Variants in RPS6KB1 observed in about 807,000 individuals in gnomAD.
RPS6KB1 encodes ribosomal protein S6 kinase B1, also known as ribosomal protein S6 kinase beta-1.
RPS6KB1 carries 12 observed loss-of-function variants against 70.2 expected under a neutral mutation model. The observed-to-expected ratio is 0.17, with a 90% CI of 0.11 to 0.28. The LOEUF (loss-of-function observed/expected upper bound fraction) is 0.28, where lower values mean the gene tolerates loss of function less well. Among genes scored for constraint, RPS6KB1 ranks in the 10% least tolerant of loss-of-function variants. RPS6KB1 has a pLI of 1.00. For missense variants in RPS6KB1, 270 were observed against 646.6 expected, an observed-to-expected ratio of 0.42 and a Z score of 6.32; for synonymous variants, 175 against 211.2, an observed-to-expected ratio of 0.83 and a Z score of 1.49.
intron 1 of RPS6KB1, among the ~76,000 whole-genome samples, chr17:59,908,592 T>G (rs1404403926): frequency 1.3e-5 from 2 of 151,210 alleles, no homozygotes; most frequent in Non-Finnish European, 2.9e-5. Flanking sequence ...GCCTCTACAG[T>G]TAAGTTGTCA....
intron 1 of RPS6KB1, among the ~76,000 whole-genome samples, chr17:59,903,061 A>C (rs935148188): frequency 2.0e-5 from 3 of 151,990 alleles, no homozygotes; most frequent in Admixed American, 2.0e-4. Flanking sequence ...TATTCCCAGC[A>C]CTTTGGGAGG....
Position 59,893,502 on chromosome 17 carries a change from C to T in RPS6KB1, c.141+177C>T, listed in dbSNP as rs1598606659. Among the ~76,000 whole-genome samples the T allele has an allele frequency of 6.6e-6, 1 of 152,186 alleles. No individual in the cohort carries two copies. Among genetic ancestry groups the T allele is most frequent in the South Asian group, 2.1e-4 (1 of 4,830 alleles). ...GGTCATGGCCCTAGGTGTGAGGCCT[C>T]TGCGGGGCTCGCAGGTGCAGGTCGC... On this transcript the variant is annotated intron_variant, in intron 1 of 14. Transcript: ENST00000225577. This position sits in a 1 kb window ranked among gnomAD's most constrained non-coding sequence, Gnocchi z 4.1.
intron 13 of RPS6KB1, 69 bp downstream of exon 13, chr17:59,941,012 C>T (rs1360531134): frequency 1.0e-6 from 1 of 965,524 alleles, no homozygotes. Context: ...AAAGAAAATT[C>T]AGTTTGCTTG....
intron 13 of RPS6KB1, among the ~76,000 whole-genome samples, chr17:59,943,887 A>G (rs1186687216): frequency 8.0e-6 from 1 of 125,482 alleles, no homozygotes; most frequent in South Asian, 2.4e-4. Flanking sequence ...AAAAAAAAAA[A>G]AATTATATAT....
In RPS6KB1 at chr17:59,912,074, G is replaced by A. The variant is rs1292036; in HGVS notation, c.192-610G>A. On this transcript the variant is annotated intron_variant, in intron 2 of 14. Coordinates refer to ENST00000225577, the MANE Select transcript of RPS6KB1 (RefSeq NM_003161.4). ...TTCAATGAAGTAAATTTGAATAACT[G>A]CAAGACTTTTTTTCTTTGTCAACTT... 1.1e-3 allele frequency: 166 copies of A among 152,784 alleles called. 1 individual carries two copies. The highest frequency in any genetic ancestry group is 3.8e-3 in the African/African-American group (157 of 41,572). The allele number at this position is 152,784 out of a possible 1,614,324, so 9.5% of individuals were successfully genotyped here. A position where few individuals can be genotyped will look rare whatever the true frequency, so the allele number is the denominator to read the frequency against.
At chr17:59,898,906 A>G (rs538158965) in intron 1 of RPS6KB1, among the ~76,000 whole-genome samples, 1 of 151,690 alleles carries the variant, frequency 6.6e-6, no homozygotes, top group African/African-American at 2.4e-5. Flanking sequence ...AAAAATTAGG[A>G]GTAAAGAGTT....
At position 59,934,308 on chromosome 17, in the gene RPS6KB1, T is replaced by C; in HGVS notation, c.779+48T>C. The C allele has an allele frequency of 6.7e-7, 1 of 1,483,166 alleles. No homozygotes were observed. 91.9% of individuals were successfully genotyped at this position (1,483,166 alleles called of 1,614,324 possible). ...TTGGTTTGGGGGTAATAGCTAATTTTACCTGTTTTAAGGAATAGTATCTGT... is the reference window on the plus strand; with the variant it reads ...TTGGTTTGGGGGTAATAGCTAATTTCACCTGTTTTAAGGAATAGTATCTGT... On this transcript the variant is annotated intron_variant, in intron 8 of 14. Transcript: ENST00000225577. This position sits in a 1 kb window ranked among gnomAD's most constrained non-coding sequence, Gnocchi z 4.8.
intron 1 of RPS6KB1, among the ~76,000 whole-genome samples, chr17:59,903,689 T>G (rs1363710682): frequency 6.6e-6 from 1 of 152,116 alleles, no homozygotes; most frequent in Non-Finnish European, 1.5e-5. Flanking sequence ...TTCCAGTTTC[T>G]CTCATCCTCC....
At position 59,912,820 on chromosome 17, in the gene RPS6KB1, G is replaced by A. The variant is rs2144796389; in HGVS notation, c.312+16G>A. 1 of 1,613,056 alleles carries A rather than the reference G, an allele frequency of 6.2e-7. No homozygotes were observed. The highest frequency in any genetic ancestry group is 8.5e-7 in the Non-Finnish European group (1 of 1,179,400). The stretch of plus-strand genomic sequence containing the variant: ...CTATGGAAAGGTAGGCAATATTTTT[G>A]AAATGAGAGCTGTTGTCTGTCTTGA... On this transcript the variant is annotated intron_variant, in intron 3 of 14. Transcript: ENST00000225577.
At chr17:59,913,053 T>C (rs1212352157) in intron 3 of RPS6KB1, among the ~76,000 whole-genome samples, 1 of 152,230 alleles carries the variant, frequency 6.6e-6, no homozygotes, top group African/African-American at 2.4e-5. Flanking sequence ...AATAGACAAC[T>C]GTACCAGGCA....
chr17:59,893,460 A>G lies in RPS6KB1; in HGVS notation c.141+135A>G, dbSNP rs1270983961. On this transcript the variant is annotated intron_variant, in intron 1 of 14. Transcript: ENST00000225577. The surrounding 1 kb of genome is among the most constrained non-coding windows in gnomAD (Gnocchi z 4.1). ...AGCTGAGGGTCGCGCGGCCTGAGACAGGGGAGCGGGCGGGGCGGTCATGGC... is the reference window on the plus strand; with the variant it reads ...AGCTGAGGGTCGCGCGGCCTGAGACGGGGGAGCGGGCGGGGCGGTCATGGC... The G allele has an allele frequency of 2.2e-6, 2 of 929,606 alleles. No homozygotes were observed. The highest frequency in any genetic ancestry group is 2.8e-5 in the Admixed American group (1 of 35,260). 57.6% of individuals were successfully genotyped at this position (929,606 alleles called of 1,614,324 possible).
intron 1 of RPS6KB1, among the ~76,000 whole-genome samples, chr17:59,902,280 T>G (rs1381552904): frequency 1.3e-5 from 2 of 151,682 alleles, no homozygotes; most frequent in Admixed American, 6.6e-5. Context: ...AATTTTTGTA[T>G]TTTTAGTAGA....
chr17:59,902,084 T>C (rs1425362556), intron 1 of RPS6KB1, among the ~76,000 whole-genome samples: 1 of 148,602 alleles, frequency 6.7e-6, no homozygotes, highest in Non-Finnish European at 1.5e-5. Flanking sequence ...TGACCTTTTA[T>C]ATTTGGTGGC....
chr17:59,899,497 T>G (rs1373225035), intron 1 of RPS6KB1, among the ~76,000 whole-genome samples: 2 of 152,208 alleles, frequency 1.3e-5, no homozygotes, highest in African/African-American at 4.8e-5. Context: ...CTCTGTAGTC[T>G]TTAATTTAGA....
chr17:59,932,457 A>G (rs868249822), intron 7 of RPS6KB1, among the ~76,000 whole-genome samples: 2 of 152,154 alleles, frequency 1.3e-5, no homozygotes, highest in Admixed American at 6.5e-5. Flanking sequence ...TGCTTCTTAC[A>G]GTAGGTTTTA....
intron 1 of RPS6KB1, among the ~76,000 whole-genome samples, chr17:59,897,043 A>C (rs956462918): frequency 6.6e-6 from 1 of 152,232 alleles, no homozygotes; most frequent in East Asian, 1.9e-4. Flanking sequence ...GGTGCATATC[A>C]GTTTTCCTCA....
Position 59,916,420 on chromosome 17 carries a change from G to A in RPS6KB1, c.381+1717G>A, listed in dbSNP as rs1047240216. On this transcript the variant is annotated intron_variant, in intron 4 of 14. Transcript: ENST00000225577. The stretch of plus-strand genomic sequence containing the variant: ...TGGCAGTATTAACTTTCTTTTATGC[G>A]AGTTAAGGATTTGTTTCTTGTTTAC... Among the ~76,000 whole-genome samples the A allele has an allele frequency of 2.6e-5, 4 of 152,076 alleles. 1 individual carries two copies. The highest frequency in any genetic ancestry group is 7.2e-5 in the African/African-American group (3 of 41,410).
chr17:59,899,024 G>A (rs1448104525), intron 1 of RPS6KB1, among the ~76,000 whole-genome samples: 1 of 151,528 alleles, frequency 6.6e-6, no homozygotes, highest in East Asian at 2.0e-4. Flanking sequence ...CCAACATGGT[G>A]AAAACCCCGT....
At chr17:59,939,622 C>T (rs1310090343) in intron 12 of RPS6KB1, among the ~76,000 whole-genome samples, 3 of 152,190 alleles carry the variant, frequency 2.0e-5, no homozygotes, top group African/African-American at 7.2e-5. Context: ...TCGTTGAATG[C>T]TGGTGCAGTG....
Sources: gnomAD v4.1 joint callset for allele counts (sites outside exome capture counted in the v4.1 genomes callset) on GRCh38, gnomAD v4.1.1 for gene constraint, Gnocchi (gnomAD v3.1) non-coding constraint, MANE v1.5 for transcripts, NCBI Gene and HGNC (gene_info 2026-07-23, HGNC 2026-07-21) for gene names.